TRHDE: variants seen among roughly 807,000 people sequenced by gnomAD.
The protein encoded by TRHDE is thyrotropin-releasing hormone-degrading ectoenzyme.
TRHDE carries 72 observed loss-of-function variants against 125.7 expected under a neutral mutation model. The ratio of observed to expected loss-of-function variants is 0.57; its 90% CI spans 0.47 to 0.70. The LOEUF (loss-of-function observed/expected upper bound fraction) is 0.70, where lower values mean the gene tolerates loss of function less well. TRHDE is among the 30% of genes least tolerant of loss of function. The pLI is 0.00. For synonymous variants in TRHDE, 509 were observed against 509.1 expected (o/e 1.00, Z 0.00); for missense variants, 1,110 against 1,327.1 (o/e 0.84, Z 2.54).
chr12:72,467,887 A>G, intron 3 of TRHDE, among the ~76,000 whole-genome samples: 1 of 152,226 alleles, frequency 6.6e-6, no homozygotes, highest in East Asian at 1.9e-4. Context: ...GGAATAAAGA[A>G]AAATCAACCT....
intron 2 of TRHDE, among the ~76,000 whole-genome samples, chr12:72,209,131 C>T (rs982765020): frequency 2.0e-5 from 3 of 152,186 alleles, no homozygotes; most frequent in Admixed American, 6.5e-5. Context: ...TCAGTCCTCT[C>T]CTGTTGAAGC....
intron 6 of TRHDE, among the ~76,000 whole-genome samples, chr12:72,532,117 A>T (rs1008948535): frequency 6.6e-5 from 10 of 151,776 alleles, no homozygotes; most frequent in Non-Finnish European, 1.3e-4. Context: ...AAGTTCTATA[A>T]TTTTCTCCAT....
intron 1 of TRHDE, among the ~76,000 whole-genome samples, chr12:72,092,532 T>A (rs1452677039): frequency 6.6e-6 from 1 of 152,206 alleles, no homozygotes; most frequent in East Asian, 1.9e-4. Context: ...AGACAGGTCT[T>A]CCTGTGTGGA....
intron 2 of TRHDE, among the ~76,000 whole-genome samples, chr12:72,239,850 A>G (rs1477778038): frequency 1.3e-5 from 2 of 152,238 alleles, no homozygotes; most frequent in Non-Finnish European, 2.9e-5. Flanking sequence ...CATTACCTAA[A>G]GTAATGGATT....
At chr12:72,131,288 GGTC>G (rs2139308059) in intron 2 of TRHDE, among the ~76,000 whole-genome samples, 1 of 151,772 alleles carries the variant, frequency 6.6e-6, no homozygotes, top group South Asian at 2.1e-4. Flanking sequence ...TCTCCAGGAT[GGTC>G]TCCATCTCCT....
chr12:72,601,273 A>T (rs941284400), intron 12 of TRHDE, among the ~76,000 whole-genome samples: 1 of 152,114 alleles, frequency 6.6e-6, no homozygotes, highest in Non-Finnish European at 1.5e-5. Context: ...AGAAGCATAG[A>T]CTGAGTATGT....
At chr12:72,223,151 A>G (rs1042119606) in intron 2 of TRHDE, among the ~76,000 whole-genome samples, 4 of 152,072 alleles carry the variant, frequency 2.6e-5, no homozygotes, top group Admixed American at 6.6e-5. Context: ...AAATATTCTT[A>G]TAGTCTCCTT....
At chr12:72,240,391 A>G (rs1384615286) in intron 2 of TRHDE, among the ~76,000 whole-genome samples, 1 of 150,100 alleles carries the variant, frequency 6.7e-6, no homozygotes, top group Non-Finnish European at 1.5e-5. Flanking sequence ...ATCAAATGAC[A>G]TTATATTGTA....
Position 72,629,699 on chromosome 12 carries a change from A to C in TRHDE, c.2675+7948A>C, listed in dbSNP as rs147947932. Among the ~76,000 whole-genome samples the C allele has an allele frequency of 4.0e-4, 60 of 151,872 alleles. 1 individual carries two copies. The highest frequency in any genetic ancestry group is 1.4e-3 in the African/African-American group (57 of 41,510). ...TGTACTAAGACACAGTGAGTATGTT[A>C]TACTGACAGATTGCGTATAAAACTC... On this transcript the variant is annotated intron_variant, in intron 15 of 18. Transcript: ENST00000261180.
intron 2 of TRHDE, among the ~76,000 whole-genome samples, chr12:72,206,580 TG>T (rs1877670207): frequency 6.6e-6 from 1 of 152,220 alleles, no homozygotes; most frequent in African/African-American, 2.4e-5. Context: ...GTTATATATC[TG>T]TCAGCATGTA....
chr12:72,468,317 A>G (rs1312901733), intron 3 of TRHDE, among the ~76,000 whole-genome samples: 1 of 152,194 alleles, frequency 6.6e-6, no homozygotes, highest in East Asian at 1.9e-4. Context: ...GCAGTGTTAG[A>G]ATCTAGTGGT....
At chr12:72,112,694 A>G (rs1384063284) in intron 2 of TRHDE, among the ~76,000 whole-genome samples, 1 of 152,210 alleles carries the variant, frequency 6.6e-6, no homozygotes. Context: ...TGTAAGAAAT[A>G]CATCAGTAAG....
intron 12 of TRHDE, among the ~76,000 whole-genome samples, chr12:72,609,451 C>CTT (rs1235525177): frequency 6.6e-6 from 1 of 151,936 alleles, no homozygotes; most frequent in Admixed American, 6.6e-5. Flanking sequence ...TCTTTTCTTT[C>CTT]TTTATTTTTT....
intron 2 of TRHDE, among the ~76,000 whole-genome samples, chr12:72,312,830 A>C (rs1868610405): frequency 6.6e-6 from 1 of 152,204 alleles, no homozygotes; most frequent in African/African-American, 2.4e-5. Context: ...GTAGTGACCT[A>C]TACCTCCACT....
chr12:72,547,453 T>C (rs1368305044), intron 7 of TRHDE, among the ~76,000 whole-genome samples: 1 of 151,798 alleles, frequency 6.6e-6, no homozygotes, highest in Non-Finnish European at 1.5e-5. Context: ...TATATAAAAT[T>C]TGTAAATTTC....
At chr12:72,578,800 T>C (rs962222760) in intron 12 of TRHDE, among the ~76,000 whole-genome samples, 5 of 152,204 alleles carry the variant, frequency 3.3e-5, no homozygotes, top group African/African-American at 9.6e-5. Flanking sequence ...TATTTGGTTG[T>C]TTTTTAAATA....
At chr12:72,349,733 G>GGATT (rs1870497261) in intron 2 of TRHDE, among the ~76,000 whole-genome samples, 1 of 151,882 alleles carries the variant, frequency 6.6e-6, no homozygotes, top group Admixed American at 6.6e-5. Context: ...TGTGGCCTTG[G>GGATT]GATTGACTTT....
At chr12:72,367,622 C>T (rs1255289418) in intron 2 of TRHDE, among the ~76,000 whole-genome samples, 3 of 152,134 alleles carry the variant, frequency 2.0e-5, no homozygotes, top group Admixed American at 6.6e-5. Context: ...ATCCTTTCCT[C>T]TTTGTATCAC....
intron 3 of TRHDE, among the ~76,000 whole-genome samples, chr12:72,428,766 C>T (rs1280406001): frequency 2.0e-5 from 3 of 152,070 alleles, no homozygotes; most frequent in Non-Finnish European, 2.9e-5. Context: ...CTTCACCATA[C>T]CCTGCCTAAA....
Sources: allele counts gnomAD v4.1 joint callset (sites outside exome capture counted in the v4.1 genomes callset), GRCh38; gene constraint gnomAD v4.1.1; transcripts MANE v1.5; gene names NCBI Gene and HGNC (gene_info 2026-07-23, HGNC 2026-07-21).